GRM7: variants seen among roughly 807,000 people sequenced by gnomAD.
GRM7 encodes glutamate metabotropic receptor 7.
In GRM7, 35 loss-of-function variants were observed where a neutral mutation model predicts 84.5. The observed-to-expected ratio is 0.41, with a 90% confidence interval of 0.32 to 0.55. The LOEUF (loss-of-function observed/expected upper bound fraction) is 0.55. GRM7 is among the 20% of genes least tolerant of loss of function. GRM7 has a pLI of 0.19. For missense variants in GRM7, 1,003 were observed against 1,194.6 expected, an observed-to-expected ratio of 0.84 and a Z score of 2.36; for synonymous variants, 487 against 455.1, an observed-to-expected ratio of 1.07 and a Z score of -0.89.
intron 1 of GRM7, among the ~76,000 whole-genome samples, chr3:6,966,072 C>T (rs759193138): frequency 3.9e-5 from 6 of 152,198 alleles, no homozygotes; most frequent in South Asian, 2.1e-4. Flanking sequence ...GCACATATCA[C>T]GAGTGCTATA....
intron 1 of GRM7, among the ~76,000 whole-genome samples, chr3:7,033,452 C>T (rs1441401319): frequency 1.3e-5 from 2 of 152,096 alleles, no homozygotes; most frequent in Non-Finnish European, 2.9e-5. Flanking sequence ...TAGGGATAAA[C>T]ATGAAAAGCA....
At chr3:6,925,442 GAATC>G (rs35959727) in intron 1 of GRM7, among the ~76,000 whole-genome samples, 24,455 of 151,838 alleles carry the variant, frequency 0.16, 2,054 homozygotes, top group Non-Finnish European at 0.18. Context: ...GGCCAAAATC[GAATC>G]AATCAATCAA....
rs1186472278 is a variant in GRM7, at chr3:6,861,426, T to G, written c.38T>G (p.Leu13Trp). ...AGGAAGCTGCTCCGCGTCCTGACTT[T>G]GATGAAGTTCCCCTGCTGCGTGCTG... ...QLRKLLRVLT[L>W]MKFPCCVLEV... is the part of the protein sequence containing the mutation. Residue 13 changes from leucine to tryptophan, a missense_variant, in exon 1 of 10, where the codon TTG (leucine) becomes TGG (tryptophan). Leu to Trp is a moderately conservative substitution (Grantham distance 61). Around this residue, in one of 2 missense-constraint regions of GRM7, gnomAD observed 93 missense variants for 68.6 expected, o/e 1.36. Coordinates refer to ENST00000357716, the MANE Select transcript of GRM7 (RefSeq NM_000844.4). This position sits in a 1 kb window ranked among gnomAD's most constrained non-coding sequence, Gnocchi z 6.4. 3 of 1,600,584 alleles carry G rather than the reference T, an allele frequency of 1.9e-6. No individual in the cohort carries two copies. The highest frequency in any genetic ancestry group is 2.6e-6 in the Non-Finnish European group (3 of 1,175,346).
intron 2 of GRM7, among the ~76,000 whole-genome samples, chr3:7,215,033 T>C (rs35558595): frequency 6.6e-6 from 1 of 152,180 alleles, no homozygotes; most frequent in Non-Finnish European, 1.5e-5. Flanking sequence ...CATATACTTG[T>C]TATGTATTTG....
intron 9 of GRM7, among the ~76,000 whole-genome samples, chr3:7,701,901 C>T (rs1049980153): frequency 6.6e-6 from 1 of 152,130 alleles, no homozygotes; most frequent in South Asian, 2.1e-4. Context: ...ATTGCATCTT[C>T]GTCACCAAGC....
intron 1 of GRM7, among the ~76,000 whole-genome samples, chr3:6,868,686 A>G (rs932103033): frequency 2.0e-5 from 3 of 152,208 alleles, no homozygotes; most frequent in Admixed American, 1.3e-4. Context: ...TCATTCAGAT[A>G]TATGTGCAAA....
chr3:7,127,409 C>A (rs1163612845), intron 1 of GRM7, among the ~76,000 whole-genome samples: 1 of 152,164 alleles, frequency 6.6e-6, no homozygotes, highest in Admixed American at 6.6e-5. Context: ...TAGCATCTAA[C>A]CCTAATAACC....
chr3:7,412,150 T>C (rs1695966966), intron 4 of GRM7, among the ~76,000 whole-genome samples: 1 of 152,174 alleles, frequency 6.6e-6, no homozygotes, highest in Non-Finnish European at 1.5e-5. Context: ...AGCTTTATTT[T>C]TCTGAATCAT....
At chr3:7,513,905 C>A (rs1051180087) in intron 7 of GRM7, among the ~76,000 whole-genome samples, 1 of 152,206 alleles carries the variant, frequency 6.6e-6, no homozygotes, top group Admixed American at 6.5e-5. Context: ...CTAGCTATAG[C>A]TATTTGCATA....
intron 9 of GRM7, among the ~76,000 whole-genome samples, chr3:7,698,837 C>A (rs1302587129): frequency 6.6e-6 from 1 of 152,094 alleles, no homozygotes; most frequent in Non-Finnish European, 1.5e-5. Context: ...TGGAGAAGAG[C>A]AGAAAAAACA....
intron 1 of GRM7, among the ~76,000 whole-genome samples, chr3:6,879,697 G>A (rs1204912574): frequency 6.6e-6 from 1 of 152,152 alleles, no homozygotes; most frequent in Admixed American, 6.5e-5. Context: ...AGAATAGGAG[G>A]ATAACTATGG....
chr3:7,659,526 C>A (rs952803655), intron 8 of GRM7, among the ~76,000 whole-genome samples: 2 of 152,130 alleles, frequency 1.3e-5, no homozygotes, highest in South Asian at 4.1e-4. Flanking sequence ...GATATGAATT[C>A]TCCTCATAGG....
chr3:6,999,286 T>C (rs1032812800), intron 1 of GRM7, among the ~76,000 whole-genome samples: 1 of 152,204 alleles, frequency 6.6e-6, no homozygotes, highest in African/African-American at 2.4e-5. Flanking sequence ...CACCTCAGCA[T>C]GGACTTCATT....
At chr3:7,296,171 G>A (rs1163773877) in intron 2 of GRM7, among the ~76,000 whole-genome samples, 11 of 151,710 alleles carry the variant, frequency 7.3e-5, no homozygotes, top group Non-Finnish European at 1.2e-4. Flanking sequence ...TTTTTAGTCT[G>A]ACAATATGTA....
At chr3:7,346,277 G>T (rs1575198477) in intron 4 of GRM7, among the ~76,000 whole-genome samples, 1 of 152,088 alleles carries the variant, frequency 6.6e-6, no homozygotes, top group African/African-American at 2.4e-5. Context: ...CCAATTTGAT[G>T]TGTTCCAGCA....
chr3:7,139,747 T>C (rs1693885738), intron 1 of GRM7, among the ~76,000 whole-genome samples: 1 of 152,008 alleles, frequency 6.6e-6, no homozygotes, highest in Non-Finnish European at 1.5e-5. Context: ...AACTCCTTGA[T>C]ATTGGCCTTG....
intron 8 of GRM7, among the ~76,000 whole-genome samples, chr3:7,596,421 G>A (rs1411361833): frequency 1.3e-5 from 2 of 152,170 alleles, no homozygotes; most frequent in African/African-American, 2.4e-5. Context: ...AGGAAACCTG[G>A]AGACTAGATG....
At chr3:7,306,926 G>C (rs1471698926) in intron 4 of GRM7, among the ~76,000 whole-genome samples, 2 of 152,164 alleles carry the variant, frequency 1.3e-5, no homozygotes, top group Non-Finnish European at 2.9e-5. Flanking sequence ...TCTGAGAGGA[G>C]AGCATTATCA....
intron 2 of GRM7, among the ~76,000 whole-genome samples, chr3:7,260,928 C>T (rs1202589657): frequency 4.6e-5 from 7 of 152,122 alleles, no homozygotes; most frequent in Non-Finnish European, 1.0e-4. Context: ...TCTTTGTTCT[C>T]ATTAGTTTCA....
Sources: allele counts gnomAD v4.1 joint callset (sites outside exome capture counted in the v4.1 genomes callset), GRCh38; gene constraint gnomAD v4.1.1; regional missense constraint gnomAD v4.1.1; non-coding constraint Gnocchi (gnomAD v3.1); transcripts MANE v1.5; gene names NCBI Gene and HGNC (gene_info 2026-07-23, HGNC 2026-07-21).